TMEM117: variants seen among roughly 807,000 people sequenced by gnomAD.
The protein encoded by TMEM117 is transmembrane protein 117.
TMEM117 carries 27 observed loss-of-function variants against 52.4 expected under a neutral mutation model. The observed-to-expected ratio is 0.51, with a 90% CI of 0.38 to 0.71. TMEM117 has a LOEUF of 0.71. TMEM117 is among the 30% of genes least tolerant of loss of function. The pLI is 0.00. For synonymous variants in TMEM117, 215 were observed against 206.3 expected (o/e 1.04, Z -0.36); for missense variants, 556 against 630.5 (o/e 0.88, Z 1.26).
intron 6 of TMEM117, among the ~76,000 whole-genome samples, chr12:44,322,312 A>G (rs540909760): frequency 6.6e-6 from 1 of 152,158 alleles, no homozygotes; most frequent in African/African-American, 2.4e-5. Context: ...GTATTTTCTG[A>G]CCTAACGAGG....
At chr12:43,855,111 TCAAG>T (rs1943377410) in intron 2 of TMEM117, among the ~76,000 whole-genome samples, 1 of 152,216 alleles carries the variant, frequency 6.6e-6, no homozygotes, top group Non-Finnish European at 1.5e-5. Context: ...ACAGACAGAC[TCAAG>T]TAAGTTCAGG....
chr12:44,143,808 A>T (rs113249206), intron 4 of TMEM117, among the ~76,000 whole-genome samples, 184 bp downstream of exon 4: 3 of 152,316 alleles, frequency 2.0e-5, no homozygotes, highest in African/African-American at 7.2e-5. Context: ...AAAAAAAATC[A>T]ATGCAATTAG....
At chr12:43,805,869 A>C in the TMEM117 span, 1 of 1,434,308 alleles carries the variant, frequency 7.0e-7, no homozygotes, top group Non-Finnish European at 9.3e-7. Context: ...AGTCGCCTCC[A>C]CTGTCCCAGC....
At chr12:44,127,574 G>T (rs557265943) in intron 3 of TMEM117, among the ~76,000 whole-genome samples, 11 of 152,108 alleles carry the variant, frequency 7.2e-5, no homozygotes, top group Non-Finnish European at 1.5e-4. Context: ...TACTCGGGAG[G>T]CTGAGGCAGG....
chr12:44,148,299 G>T (rs1948674226), intron 4 of TMEM117, among the ~76,000 whole-genome samples: 1 of 152,138 alleles, frequency 6.6e-6, no homozygotes, highest in Non-Finnish European at 1.5e-5. Context: ...TTTCATTAGA[G>T]CCAGACAAGC....
chr12:44,011,509 C>T (rs1204357312), intron 3 of TMEM117, among the ~76,000 whole-genome samples: 2 of 152,076 alleles, frequency 1.3e-5, no homozygotes, highest in South Asian at 2.1e-4. Context: ...CCATGTAAGA[C>T]GTGACTTGCT....
chr12:44,260,526 A>G lies in TMEM117; in HGVS notation c.609-39054A>G, dbSNP rs187009491. ...TATTTTTAATCCATTGGTAATATCT[A>G]TTATTAACCTCTATGGTAAATACAA... On this transcript the variant is annotated intron_variant, in intron 5 of 7. Coordinates refer to ENST00000266534, the MANE Select transcript of TMEM117 (RefSeq NM_032256.3). Among the ~76,000 whole-genome samples, 73 of 152,302 alleles carry G rather than the reference A, an allele frequency of 4.8e-4. 1 individual carries two copies. In the South Asian group the frequency reaches 9.7e-3, roughly 20 times the overall value.
At chr12:44,160,411 C>T (rs1475221109) in intron 4 of TMEM117, among the ~76,000 whole-genome samples, 1 of 152,066 alleles carries the variant, frequency 6.6e-6, no homozygotes, top group Non-Finnish European at 1.5e-5. Flanking sequence ...ACCAATGAAG[C>T]TTATTTTCAG....
intron 6 of TMEM117, among the ~76,000 whole-genome samples, chr12:44,362,012 T>C (rs1354104181): frequency 6.6e-6 from 1 of 152,170 alleles, no homozygotes; most frequent in African/African-American, 2.4e-5. Context: ...AGCACTTGCT[T>C]TGCTCAATAT....
intron 2 of TMEM117, among the ~76,000 whole-genome samples, chr12:43,853,925 T>C (rs1002631362): frequency 2.0e-5 from 3 of 152,078 alleles, no homozygotes; most frequent in Non-Finnish European, 4.4e-5. Context: ...GGTCATGGGG[T>C]AGAAAGTGTG....
rs74518725 is a variant in TMEM117, at chr12:44,215,758, A to G, written c.608+4371A>G. On this transcript the variant is annotated intron_variant, in intron 5 of 7. Coordinates refer to ENST00000266534, the MANE Select transcript of TMEM117 (RefSeq NM_032256.3). The stretch of plus-strand genomic sequence containing the variant: ...AAAAAAAAAGACAAAATAGACTTCT[A>G]TGATTAGTAGAGGAATTGGTGGAAG... 3.1e-3 allele frequency among the ~76,000 whole-genome samples: 473 copies of G among 151,754 alleles called. 11 individuals carry two copies. Among genetic ancestry groups the G allele is most frequent in the East Asian group, 0.028 (144 of 5,162 alleles).
the TMEM117 span, chr12:43,806,470 T>C: frequency 1.1e-6 from 1 of 927,246 alleles, no homozygotes. Flanking sequence ...CTATCCTAGT[T>C]CTCTGCTTGG....
chr12:44,035,595 G>A (rs200303872), intron 3 of TMEM117, among the ~76,000 whole-genome samples: 2 of 152,170 alleles, frequency 1.3e-5, no homozygotes, highest in Non-Finnish European at 2.9e-5. Flanking sequence ...AACACTGAAC[G>A]TTGAATCTTT....
intron 3 of TMEM117, among the ~76,000 whole-genome samples, chr12:44,101,157 ACCT>A (rs1311869624): frequency 6.7e-6 from 1 of 149,004 alleles, no homozygotes; most frequent in African/African-American, 2.6e-5. Context: ...CAAAGGCCCC[ACCT>A]CCTAATACCA....
At chr12:44,199,928 G>T (rs751021104) in intron 4 of TMEM117, among the ~76,000 whole-genome samples, 15 of 152,100 alleles carry the variant, frequency 9.9e-5, no homozygotes, top group Non-Finnish European at 1.9e-4. Flanking sequence ...GACCAGCCTG[G>T]TCAACATGGT....
chr12:44,359,258 A>AGT (rs1951690760), intron 6 of TMEM117, among the ~76,000 whole-genome samples: 2 of 151,676 alleles, frequency 1.3e-5, no homozygotes, highest in Non-Finnish European at 2.9e-5. Flanking sequence ...AAGTGTCTAG[A>AGT]GTGTGTATAT....
chr12:43,912,536 T>TATATATATATATATA, intron 2 of TMEM117, among the ~76,000 whole-genome samples: 1 of 141,988 alleles, frequency 7.0e-6, no homozygotes, highest in Non-Finnish European at 1.5e-5. Context: ...TATATATATA[T>TATATATATATATATA]GGCAGAATGA....
At chr12:44,179,154 C>T (rs994495108) in intron 4 of TMEM117, among the ~76,000 whole-genome samples, 10 of 152,106 alleles carry the variant, frequency 6.6e-5, no homozygotes, top group Non-Finnish European at 1.5e-4. Context: ...GATCACGCCA[C>T]TGTCCTCCAG....
intron 2 of TMEM117, among the ~76,000 whole-genome samples, chr12:43,890,359 C>A (rs1239957737): frequency 1.3e-5 from 2 of 152,078 alleles, no homozygotes; most frequent in Non-Finnish European, 2.9e-5. Flanking sequence ...GTCAATAAAT[C>A]TCACCCCATG....
Sources: gnomAD v4.1 joint callset for allele counts (sites outside exome capture counted in the v4.1 genomes callset) on GRCh38, gnomAD v4.1.1 for gene constraint, MANE v1.5 for transcripts, NCBI Gene and HGNC (gene_info 2026-07-23, HGNC 2026-07-21) for gene names.